METTL15: variants seen among roughly 807,000 people sequenced by gnomAD.
METTL15 encodes the protein 12S rRNA N(4)-cytidine methyltransferase METTL15.
METTL15 carries 34 observed loss-of-function variants against 38.3 expected under a neutral mutation model. The ratio of observed to expected loss-of-function variants is 0.89; its 90% CI spans 0.68 to 1.18. The LOEUF (loss-of-function observed/expected upper bound fraction) is 1.18, where lower values mean the gene tolerates loss of function less well. METTL15 is among the 50% of genes most tolerant of loss of function. METTL15 has a pLI of 0.00. For synonymous variants in METTL15, 162 were observed against 170.9 expected, an observed-to-expected ratio of 0.95 and a Z score of 0.41; for missense variants, 438 against 498.4, an observed-to-expected ratio of 0.88 and a Z score of 1.15.
At chr11:28,243,124 A>C (rs1252385007) in intron 4 of METTL15, among the ~76,000 whole-genome samples, 1 of 152,072 alleles carries the variant, frequency 6.6e-6, no homozygotes, top group Non-Finnish European at 1.5e-5. Context: ...GTATGTTTAA[A>C]AACTGGCATT....
intron 4 of METTL15, among the ~76,000 whole-genome samples, chr11:28,239,197 G>A (rs918396533): frequency 1.3e-5 from 2 of 152,218 alleles, no homozygotes; most frequent in East Asian, 3.9e-4. Context: ...CCACTTAGCT[G>A]GCTAATAGAA....
At position 28,159,570 on chromosome 11, in the gene METTL15, A is replaced by G. The variant is rs1028648242; in HGVS notation, c.270+45966A>G. On this transcript the variant is annotated intron_variant, in intron 3 of 6. Transcript: ENST00000407364. ...CACGTGACCAGCTGCAGAAATGAAG[A>G]CTGTAATTATCATGAGTCTTTCCCC... is the stretch of plus-strand genomic sequence containing the variant. Among the ~76,000 whole-genome samples the G allele has an allele frequency of 1.1e-4, 16 of 152,236 alleles. 1 individual carries two copies. The highest frequency in any genetic ancestry group is 3.9e-4 in the African/African-American group (16 of 41,550).
chr11:28,113,273 T>C lies in METTL15; in HGVS notation c.-17-45T>C. The C allele has an allele frequency of 2.3e-6, 3 of 1,321,072 alleles. No homozygotes were observed. In the South Asian group the frequency reaches 4.4e-5, roughly 19 times the overall value. The allele number at this position is 1,321,072 out of a possible 1,614,324, so 81.8% of individuals were successfully genotyped here. A position where few individuals can be genotyped will look rare whatever the true frequency, so the allele number is the denominator to read the frequency against. ...TGATTTTCCCCAAGTATTAGAACAT[T>C]CTTTTAAAAAAATCCAACAATCATA... On this transcript the variant is annotated intron_variant, in intron 2 of 6. Transcript: ENST00000407364.
chr11:28,131,168 G>A (rs989781142), intron 3 of METTL15, among the ~76,000 whole-genome samples: 12 of 151,994 alleles, frequency 7.9e-5, no homozygotes, highest in Admixed American at 1.3e-4. Flanking sequence ...GCAATATGTC[G>A]ATTAGACCCA....
intron 3 of METTL15, chr11:28,124,050 T>G (rs1852364567): frequency 4.6e-6 from 2 of 436,298 alleles, no homozygotes; most frequent in African/African-American, 4.1e-5. Context: ...CAGTAGTGTT[T>G]TGTGCAAAGT....
At chr11:28,417,004 TC>T (rs1850777841) in intron 5 of METTL15, among the ~76,000 whole-genome samples, 2 of 152,218 alleles carry the variant, frequency 1.3e-5, no homozygotes, top group African/African-American at 2.4e-5. Flanking sequence ...CTGCTTTACC[TC>T]CCCACCCATG....
downstream of METTL15, among the ~76,000 whole-genome samples, chr11:28,335,838 A>G (rs1466162739): frequency 6.6e-6 from 1 of 152,142 alleles, no homozygotes; most frequent in African/African-American, 2.4e-5. Context: ...TGCTTCTTGT[A>G]TGGCCTAGAA....
chr11:28,238,805 C>T (rs890716887), intron 4 of METTL15, among the ~76,000 whole-genome samples: 3 of 152,196 alleles, frequency 2.0e-5, no homozygotes, highest in Non-Finnish European at 2.9e-5. Context: ...CCCCACCCCA[C>T]GGCTCTACCA....
chr11:28,258,501 A>C (rs1385069318), intron 4 of METTL15, among the ~76,000 whole-genome samples: 1 of 152,018 alleles, frequency 6.6e-6, no homozygotes, highest in African/African-American at 2.4e-5. Flanking sequence ...CAGAGGTGCT[A>C]TCTAGGAGCC....
At chr11:28,467,531 T>C (rs1398099637) in intron 6 of METTL15, among the ~76,000 whole-genome samples, 5 of 152,102 alleles carry the variant, frequency 3.3e-5, no homozygotes, top group Non-Finnish European at 7.4e-5. Flanking sequence ...ATTTGCCCCA[T>C]TGTCTGGAAG....
At chr11:28,484,935 A>G (rs961906415) in intron 6 of METTL15, among the ~76,000 whole-genome samples, 5 of 152,164 alleles carry the variant, frequency 3.3e-5, no homozygotes, top group African/African-American at 1.2e-4. Flanking sequence ...GTGCCTGCTC[A>G]TGAATCAGGT....
At chr11:28,124,698 T>C (rs1043410833) in intron 3 of METTL15, among the ~76,000 whole-genome samples, 5 of 152,104 alleles carry the variant, frequency 3.3e-5, no homozygotes, top group African/African-American at 9.7e-5. Flanking sequence ...TTCTGTCCTT[T>C]CTGTACGTTT....
At chr11:28,461,052 T>C (rs1169392115) in intron 6 of METTL15, among the ~76,000 whole-genome samples, 2 of 152,028 alleles carry the variant, frequency 1.3e-5, no homozygotes, top group African/African-American at 4.8e-5. Flanking sequence ...TCAAGTCAAG[T>C]GAGGAAGATT....
intron 6 of METTL15, among the ~76,000 whole-genome samples, chr11:28,312,885 G>C (rs1436725680): frequency 6.6e-6 from 1 of 151,946 alleles, no homozygotes; most frequent in East Asian, 1.9e-4. Flanking sequence ...ATCTCTTAAA[G>C]GTTTCATCTC....
At chr11:28,210,704 A>G (rs888767662) in intron 3 of METTL15, among the ~76,000 whole-genome samples, 3 of 152,004 alleles carry the variant, frequency 2.0e-5, no homozygotes, top group Non-Finnish European at 2.9e-5. Flanking sequence ...AGCCATCTCT[A>G]AATGAGAAAT....
At chr11:28,410,285 C>T (rs1850713413) in intron 5 of METTL15, among the ~76,000 whole-genome samples, 1 of 152,118 alleles carries the variant, frequency 6.6e-6, no homozygotes, top group Admixed American at 6.6e-5. Context: ...AGGCCAGCAT[C>T]ACCTTGATAC....
intron 3 of METTL15, among the ~76,000 whole-genome samples, chr11:28,121,004 C>T (rs1852212345): frequency 6.6e-6 from 1 of 152,072 alleles, no homozygotes; most frequent in Admixed American, 6.5e-5. Context: ...TCATCTCAAG[C>T]ATTTATCATT....
intron 4 of METTL15, among the ~76,000 whole-genome samples, chr11:28,223,673 C>T (rs1421559073): frequency 6.6e-6 from 1 of 152,108 alleles, no homozygotes; most frequent in Non-Finnish European, 1.5e-5. Flanking sequence ...GAAATAGAAA[C>T]TAACATTTTT....
chr11:28,189,020 G>A (rs1349076585), intron 3 of METTL15, among the ~76,000 whole-genome samples: 3 of 151,214 alleles, frequency 2.0e-5, no homozygotes. Context: ...TGTGATGTAG[G>A]TGTGTAGCTT....
Sources: allele counts gnomAD v4.1 joint callset (sites outside exome capture counted in the v4.1 genomes callset), GRCh38; gene constraint gnomAD v4.1.1; transcripts MANE v1.5; gene names NCBI Gene and HGNC (gene_info 2026-07-23, HGNC 2026-07-21).